STXBP5L: variants seen among roughly 807,000 people sequenced by gnomAD.
STXBP5L encodes syntaxin binding protein 5L, also known as syntaxin-binding protein 5-like.
In STXBP5L, 65 loss-of-function variants were observed where a neutral mutation model predicts 144.5. The observed-to-expected ratio is 0.45, with a 90% CI of 0.37 to 0.55. The LOEUF (loss-of-function observed/expected upper bound fraction) is 0.55. Ranked by LOEUF, STXBP5L falls within the 20% of genes least tolerant of loss-of-function variation. The pLI is 0.00. For synonymous variants in STXBP5L, 505 were observed against 469.6 expected, an observed-to-expected ratio of 1.08 and a Z score of -0.97; for missense variants, 1,298 against 1,405.5, an observed-to-expected ratio of 0.92 and a Z score of 1.22.
chr3:121,228,125 A>C (rs910386105), intron 11 of STXBP5L, among the ~76,000 whole-genome samples: 1 of 152,208 alleles, frequency 6.6e-6, no homozygotes, highest in Admixed American at 6.5e-5. Context: ...ATTCAACCAA[A>C]GTAAGAGTAA....
intron 3 of STXBP5L, among the ~76,000 whole-genome samples, chr3:121,029,549 T>A (rs995341981): frequency 6.6e-5 from 10 of 152,136 alleles, no homozygotes; most frequent in Admixed American, 6.6e-4. Context: ...ATTAAAGACT[T>A]AAACGTAAGA....
intron 9 of STXBP5L, among the ~76,000 whole-genome samples, chr3:121,198,711 A>C (rs970491560): frequency 1.3e-5 from 2 of 152,170 alleles, no homozygotes; most frequent in Non-Finnish European, 2.9e-5. Flanking sequence ...ATCGCTAGCC[A>C]GTTTTCCCAG....
At chr3:121,348,717 T>A (rs1171510138) in intron 20 of STXBP5L, among the ~76,000 whole-genome samples, 1 of 152,150 alleles carries the variant, frequency 6.6e-6, no homozygotes, top group Non-Finnish European at 1.5e-5. Context: ...TTTATCCATT[T>A]CTTCTAGATT....
At chr3:121,319,656 G>T (rs1307186119) in intron 20 of STXBP5L, among the ~76,000 whole-genome samples, 1 of 152,074 alleles carries the variant, frequency 6.6e-6, no homozygotes, top group African/African-American at 2.4e-5. Flanking sequence ...TATTCTAGTA[G>T]ATGTCTGTAT....
rs2047395045 is a variant in STXBP5L at position 121,423,380 on chromosome 3, T to C, written c.*4283T>C. On this transcript the variant is annotated 3_prime_UTR_variant, in exon 27 of 27. Transcript: ENST00000471454. ...GTCAACATAACAAGTTTAGTGTGTGTATTTGCAGACAACATAGCCCTGAAA... is the reference window on the plus strand; with the variant it reads ...GTCAACATAACAAGTTTAGTGTGTGCATTTGCAGACAACATAGCCCTGAAA... 6.6e-6 allele frequency: 1 copy of C among 152,184 alleles called. No individual in the cohort carries two copies. Among genetic ancestry groups the C allele is most frequent in the Admixed American group, 6.5e-5 (1 of 15,284 alleles). The allele number at this position is 152,184 out of a possible 1,614,324, so 9.4% of individuals were successfully genotyped here.
rs1425246432 is a variant in STXBP5L at position 121,096,111 on chromosome 3, C to A, written c.471-18814C>A. 2.4e-5 allele frequency among the ~76,000 whole-genome samples: 3 copies of A among 124,156 alleles called. No individual in the cohort carries two copies. In the East Asian group the frequency reaches 6.7e-4, roughly 28 times the overall value. The allele number at this position is 124,156 out of a possible 152,430, so 81.5% of individuals were successfully genotyped here. ...TGGTGGGCTGTACCCACTATCCTGC[C>A]CCCCACTGTCTGACAATCCCCAGTG... On this transcript the variant is annotated intron_variant, in intron 5 of 26. Transcript: ENST00000471454.
intron 12 of STXBP5L, among the ~76,000 whole-genome samples, chr3:121,236,413 G>A (rs1016483042): frequency 2.6e-5 from 4 of 152,182 alleles, no homozygotes; most frequent in African/African-American, 9.7e-5. Context: ...AAAGTCCAAG[G>A]TTGAGTGTCT....
Position 121,279,924 on chromosome 3 carries a change from G to C in STXBP5L, c.2078G>C (p.Arg693Pro). The C allele has an allele frequency of 6.2e-7, 1 of 1,611,894 alleles. No homozygotes were observed. Among genetic ancestry groups the C allele is most frequent in the Non-Finnish European group, 8.5e-7 (1 of 1,178,586 alleles). Reference sequence around the variant, plus strand: ...AGTGACTTATACCAGCGACAACCACGGTCTCCTCGAAAAAACAAACAGTTC... The same window carrying C: ...AGTGACTTATACCAGCGACAACCACCGTCTCCTCGAAAAAACAAACAGTTC... ...RSSDLYQRQP[R>P]SPRKNKQFIA... The change falls in exon 19 of 27, where the codon CGG becomes CCG. Residue 693 changes from arginine to proline, a missense_variant. Arg to Pro is a moderately radical substitution (Grantham distance 103). Coordinates refer to ENST00000471454, the MANE Select transcript of STXBP5L (RefSeq NM_001308330.2).
At chr3:121,338,713 G>A (rs547801778) in intron 20 of STXBP5L, among the ~76,000 whole-genome samples, 4 of 150,366 alleles carry the variant, frequency 2.7e-5, no homozygotes, top group Non-Finnish European at 5.9e-5. Context: ...GAAAATGGAG[G>A]CATTACAGCT....
chr3:121,350,035 T>C (rs1261805859), intron 20 of STXBP5L, among the ~76,000 whole-genome samples: 1 of 152,186 alleles, frequency 6.6e-6, no homozygotes, highest in Non-Finnish European at 1.5e-5. Flanking sequence ...TGTTAGTTGA[T>C]GCAGTTTCTC....
At chr3:121,009,925 C>G (rs1182786563) in intron 3 of STXBP5L, among the ~76,000 whole-genome samples, 1 of 151,912 alleles carries the variant, frequency 6.6e-6, no homozygotes, top group Non-Finnish European at 1.5e-5. Flanking sequence ...TGGACTCCTA[C>G]TGAGTTTTAA....
chr3:121,264,853 C>T (rs1295247247), intron 18 of STXBP5L, among the ~76,000 whole-genome samples: 1 of 148,296 alleles, frequency 6.7e-6, no homozygotes, highest in African/African-American at 2.5e-5. Context: ...ATAAAACAGA[C>T]CTTAAACAAC....
At chr3:120,909,003 A>T (rs1024012781) in intron 1 of STXBP5L, 1 of 152,234 alleles carries the variant, frequency 6.6e-6, no homozygotes, top group African/African-American at 2.4e-5. Context: ...GGGGACTAGA[A>T]AAAGTACCCC....
chr3:120,974,175 C>T (rs1301150421), intron 3 of STXBP5L, among the ~76,000 whole-genome samples: 1 of 152,132 alleles, frequency 6.6e-6, no homozygotes, highest in Admixed American at 6.5e-5. Context: ...AAAAGTGTTC[C>T]TATTTCTCCA....
chr3:120,919,454 A>G (rs767542996), intron 2 of STXBP5L, among the ~76,000 whole-genome samples: 13 of 151,986 alleles, frequency 8.6e-5, no homozygotes, highest in Non-Finnish European at 1.9e-4. Context: ...TGATGTATTG[A>G]GTTCCATTTA....
intron 3 of STXBP5L, among the ~76,000 whole-genome samples, chr3:121,004,002 C>G (rs1192597830): frequency 2.6e-5 from 4 of 151,958 alleles, no homozygotes; most frequent in Non-Finnish European, 2.9e-5. Flanking sequence ...CAGCTTTGTT[C>G]TTTTGGCTTA....
chr3:121,054,336 C>T (rs1236697615), intron 5 of STXBP5L, among the ~76,000 whole-genome samples: 2 of 151,976 alleles, frequency 1.3e-5, no homozygotes, highest in Non-Finnish European at 2.9e-5. Context: ...GACTTGGAAC[C>T]AACCCAAATG....
At chr3:121,377,791 A>G (rs1053712913) in intron 20 of STXBP5L, among the ~76,000 whole-genome samples, 2 of 152,218 alleles carry the variant, frequency 1.3e-5, no homozygotes, top group African/African-American at 2.4e-5. Flanking sequence ...AACCAGAAAT[A>G]CCATTTGACC....
intron 26 of STXBP5L, 51 bp from the exon 27 acceptor site, chr3:121,419,005 A>G: frequency 6.3e-7 from 1 of 1,580,516 alleles, no homozygotes; most frequent in Admixed American, 1.8e-5. Flanking sequence ...TGCTTTGAAT[A>G]GCACTTTTAA....
Sources: gnomAD v4.1 joint callset for allele counts (sites outside exome capture counted in the v4.1 genomes callset) on GRCh38, gnomAD v4.1.1 for gene constraint, MANE v1.5 for transcripts, NCBI Gene and HGNC (gene_info 2026-07-23, HGNC 2026-07-21) for gene names.